Variants in AVEN observed in about 807,000 individuals in gnomAD.
AVEN encodes the protein apoptosis and caspase activation inhibitor.
Under a neutral mutation model 38.1 loss-of-function variants are expected in AVEN, and 41 were observed. The ratio of observed to expected loss-of-function variants is 1.08; its 90% CI spans 0.84 to 1.40. AVEN has a LOEUF of 1.40. AVEN is among the 40% of genes most tolerant of loss of function. AVEN has a pLI of 0.00. For synonymous variants in AVEN, 206 were observed against 171.8 expected, an observed-to-expected ratio of 1.20 and a Z score of -1.56; for missense variants, 605 against 438.8, an observed-to-expected ratio of 1.38 and a Z score of -3.38.
intron 1 of AVEN, among the ~76,000 whole-genome samples, chr15:34,014,244 AC>A (rs1897766896): frequency 6.6e-6 from 1 of 151,718 alleles, no homozygotes; most frequent in African/African-American, 2.4e-5. Flanking sequence ...CGCACCTGTA[AC>A]CCCAGCTACT....
At chr15:33,966,898 C>T (rs374616332) in intron 2 of AVEN, among the ~76,000 whole-genome samples, 1 of 152,074 alleles carries the variant, frequency 6.6e-6, no homozygotes, top group South Asian at 2.1e-4. Flanking sequence ...TTATAGTCAT[C>T]GATCCTCATA....
intron 11 of AVEN, chr15:33,860,942 A>C: frequency 1.4e-6 from 1 of 714,872 alleles, no homozygotes; most frequent in Non-Finnish European, 2.4e-6. Context: ...GTATGGCACT[A>C]CTGAGTGAAT....
chr15:33,865,034 C>A, downstream of AVEN: 2 of 816,714 alleles, frequency 2.4e-6, no homozygotes, highest in Non-Finnish European at 4.1e-6. Context: ...AAATTCACAT[C>A]AGTCTTCCTA....
intron 1 of AVEN, among the ~76,000 whole-genome samples, chr15:34,009,758 T>TAGGG (rs1003722416): frequency 7.2e-5 from 11 of 151,854 alleles, no homozygotes; most frequent in African/African-American, 2.7e-4. Context: ...GAGGCCAAGG[T>TAGGG]AGGGAGGGTC....
chr15:33,928,323 G>A (rs550578884), intron 2 of AVEN, among the ~76,000 whole-genome samples: 1 of 152,282 alleles, frequency 6.6e-6, no homozygotes, highest in South Asian at 2.1e-4. Context: ...TATTATGAAA[G>A]AAACTTGAGA....
chr15:33,911,498 A>C (rs190379111), intron 2 of AVEN, among the ~76,000 whole-genome samples: 1 of 152,318 alleles, frequency 6.6e-6, no homozygotes, highest in African/African-American at 2.4e-5. Flanking sequence ...AAATAATGCA[A>C]TGCCCGGAAA....
chr15:33,859,704 ATTGTCAT>A, intron 11 of AVEN: 1 of 1,611,874 alleles, frequency 6.2e-7, no homozygotes, highest in Non-Finnish European at 8.5e-7. Flanking sequence ...CTTCTTCGTC[ATTGTCAT>A]CTTGCTGGCC....
downstream of AVEN, chr15:33,854,257 T>C: frequency 1.4e-6 from 1 of 692,578 alleles, no homozygotes; most frequent in Non-Finnish European, 2.5e-6. Context: ...GGGGAGCACA[T>C]ACAACTTGAT....
At chr15:33,926,395 G>T (rs1893608412) in intron 2 of AVEN, among the ~76,000 whole-genome samples, 1 of 152,170 alleles carries the variant, frequency 6.6e-6, no homozygotes, top group South Asian at 2.1e-4. Context: ...AGCTCTATTA[G>T]GATTTGAGAG....
chr15:33,862,533 C>T (rs903086590), downstream of AVEN, among the ~76,000 whole-genome samples: 14 of 152,168 alleles, frequency 9.2e-5, no homozygotes, highest in African/African-American at 3.4e-4. Flanking sequence ...CTAGAGCAGG[C>T]TCAGCCTTTG....
intron 2 of AVEN, among the ~76,000 whole-genome samples, chr15:33,952,915 A>C (rs574549059): frequency 1.4e-4 from 22 of 152,200 alleles, no homozygotes; most frequent in Admixed American, 1.2e-3. Context: ...GCATCCCAAC[A>C]TTTATATTAG....
At chr15:33,880,580 T>G (rs1483039906) in intron 2 of AVEN, among the ~76,000 whole-genome samples, 1 of 152,168 alleles carries the variant, frequency 6.6e-6, no homozygotes, top group South Asian at 2.1e-4. Context: ...GTGAGTGAGC[T>G]CAATCTCTGA....
In AVEN at chr15:33,902,883, GTTTATC is replaced by G. The variant is rs200898449; in HGVS notation, c.446-26894_446-26889del. On this transcript the variant is annotated intron_variant, in intron 2 of 5. Coordinates refer to ENST00000306730, the MANE Select transcript of AVEN (RefSeq NM_020371.3). ...ATTAATTTATCCATTAATCCTGTGT[GTTTATC>G]TTTAGCAGTCTCTCCTATAGTTTGA... 3.5e-3 allele frequency among the ~76,000 whole-genome samples: 533 copies of G among 152,216 alleles called. 5 individuals carry two copies. The highest frequency in any genetic ancestry group is 0.012 in the African/African-American group (489 of 41,558).
At chr15:34,053,319 A>AATATATATATATATATATAT (rs71119922) in intron 5 of AVEN, among the ~76,000 whole-genome samples, 28 of 42,038 alleles carry the variant, frequency 6.7e-4, no homozygotes, top group African/African-American at 2.2e-3. Context: ...AAAAAAAAAA[A>AATATATATATATATATATAT]ATATATATAT....
chr15:34,061,197 G>C (rs919879591), intron 5 of AVEN, among the ~76,000 whole-genome samples: 1 of 151,792 alleles, frequency 6.6e-6, no homozygotes, highest in East Asian at 1.9e-4. Flanking sequence ...GAGGTGGGAG[G>C]GAGACCTAAT....
intron 4 of AVEN, chr15:34,064,504 T>C (rs1900459698): frequency 1.5e-6 from 1 of 687,446 alleles, no homozygotes; most frequent in African/African-American, 1.8e-5. Context: ...GCTGACATAT[T>C]AAATGACTCT....
intron 1 of AVEN, among the ~76,000 whole-genome samples, chr15:34,010,365 C>A (rs525591): frequency 0.63 from 95,342 of 152,060 alleles, 35,082 homozygotes; most frequent in Non-Finnish European, 0.82. Flanking sequence ...AGAATACTTA[C>A]AGATTATCTC....
intron 2 of AVEN, among the ~76,000 whole-genome samples, chr15:33,877,926 G>T (rs1214131570): frequency 6.6e-6 from 1 of 152,126 alleles, no homozygotes; most frequent in East Asian, 1.9e-4. Context: ...TCCAGCTTGG[G>T]CATCAGAGCA....
rs533788693 is a variant in AVEN at position 33,899,460 on chromosome 15, C to CTT, written c.446-23467_446-23466dup. ...TACATTTATTTGCTTCAGGGAAAAC[C>CTT]TTTTTTTTTTTTTTTTTTTTTTTTT... is the stretch of plus-strand genomic sequence containing the variant. On this transcript the variant is annotated intron_variant, in intron 2 of 5. Transcript: ENST00000306730. Among the ~76,000 whole-genome samples, 45 of 65,436 alleles carry CTT rather than the reference C, an allele frequency of 6.9e-4. 4 individuals are homozygous for CTT. The highest frequency in any genetic ancestry group is 2.8e-3 in the South Asian group (4 of 1,444). The allele number at this position is 65,436 out of a possible 152,430, so 42.9% of individuals were successfully genotyped here.
Sources: gnomAD v4.1 joint callset for allele counts (sites outside exome capture counted in the v4.1 genomes callset) on GRCh38, gnomAD v4.1.1 for gene constraint, MANE v1.5 for transcripts, NCBI Gene and HGNC (gene_info 2026-07-23, HGNC 2026-07-21) for gene names.